Variants in MICAL3 observed in about 807,000 individuals in gnomAD.
The protein encoded by MICAL3 is [F-actin]-monooxygenase MICAL3.
Under a neutral mutation model 207.4 loss-of-function variants are expected in MICAL3, and 62 were observed. The observed-to-expected ratio is 0.30, with a 90% CI of 0.24 to 0.37. The LOEUF is 0.37. Ranked by LOEUF, MICAL3 falls within the 10% of genes least tolerant of loss-of-function variation. MICAL3 has a pLI of 1.00. For synonymous variants in MICAL3, 1,077 were observed against 1,069.3 expected (o/e 1.01, Z -0.14); for missense variants, 2,368 against 2,635.6 (o/e 0.90, Z 2.22).
intron 16 of MICAL3, chr22:17,881,073 T>A (rs1307240672): frequency 2.5e-6 from 2 of 806,964 alleles, no homozygotes; most frequent in African/African-American, 3.5e-5. Flanking sequence ...CCACAAACGG[T>A]TTCTACGCAT....
intron 16 of MICAL3, among the ~76,000 whole-genome samples, chr22:17,877,085 G>A (rs1248891643): frequency 1.6e-4 from 23 of 143,900 alleles, no homozygotes; most frequent in Admixed American, 3.5e-4. Flanking sequence ...AAGTTATGGA[G>A]GTTATGGAGG....
In MICAL3 at chr22:17,796,618, T is replaced by C. The variant is rs1304539196; in HGVS notation, c.5651-5317A>G. On this transcript the variant is annotated intron_variant, in intron 29 of 31. Transcript: ENST00000441493. This position sits in a 1 kb window ranked among gnomAD's most constrained non-coding sequence, Gnocchi z 4.4. Reference sequence around the variant, plus strand: ...CAGGCAAATGTAACAAATGCTGGCGTCTCAGGCAGCTCAAGGAAGAGCAGT... The same window carrying C: ...CAGGCAAATGTAACAAATGCTGGCGCCTCAGGCAGCTCAAGGAAGAGCAGT... Among the ~76,000 whole-genome samples, 1 of 152,194 alleles carries C rather than the reference T, an allele frequency of 6.6e-6. No individual in the cohort carries two copies. Among genetic ancestry groups the C allele is most frequent in the African/African-American group, 2.4e-5 (1 of 41,450 alleles).
rs1174253531 is a variant in MICAL3 at position 17,793,449 on chromosome 22, TAAAGCCCCAGCCAC to T, written c.5651-2162_5651-2149del. On this transcript the variant is annotated intron_variant, in intron 29 of 31. Coordinates refer to ENST00000441493, the MANE Select transcript of MICAL3 (RefSeq NM_015241.3). The surrounding 1 kb of genome is among the most constrained non-coding windows in gnomAD (Gnocchi z 4.1). ...CCCTCTATCTGATGGATCTGAGACT[TAAAGCCCCAGCCAC>T]GAAGGGCCAGCCAATGCTGCAGCCC... Among the ~76,000 whole-genome samples the T allele has an allele frequency of 1.3e-5, 2 of 152,080 alleles. No homozygotes were observed. The highest frequency in any genetic ancestry group is 4.8e-5 in the African/African-American group (2 of 41,398).
intron 1 of MICAL3, among the ~76,000 whole-genome samples, chr22:17,964,568 A>T (rs910746385): frequency 1.3e-5 from 2 of 152,242 alleles, no homozygotes; most frequent in Admixed American, 6.5e-5. Flanking sequence ...CTACGTGAAG[A>T]TTAAAAATTT....
intron 16 of MICAL3, among the ~76,000 whole-genome samples, chr22:17,879,186 G>A (rs764105842): frequency 1.3e-5 from 2 of 152,186 alleles, no homozygotes; most frequent in African/African-American, 2.4e-5. Context: ...GGTCAACACT[G>A]CTAGCAAAAA....
chr22:17,967,947 G>T (rs1444630898), intron 1 of MICAL3, among the ~76,000 whole-genome samples: 1 of 152,064 alleles, frequency 6.6e-6, no homozygotes, highest in Non-Finnish European at 1.5e-5. Context: ...GAAGCCTGAG[G>T]CAGGAGAATC....
intron 19 of MICAL3, chr22:17,864,483 C>T: frequency 7.0e-7 from 1 of 1,425,382 alleles, no homozygotes; most frequent in African/African-American, 1.4e-5. Flanking sequence ...AAGCAAACTG[C>T]ATGAAGGCCG....
intron 1 of MICAL3, among the ~76,000 whole-genome samples, chr22:17,987,378 C>CA (rs1317886486): frequency 6.6e-6 from 1 of 152,214 alleles, no homozygotes; most frequent in Non-Finnish European, 1.5e-5. Context: ...CTCCTGGAGG[C>CA]AGCAGGGACT....
At chr22:18,019,733 AG>A in intron 1 of MICAL3, 1 of 215,646 alleles carries the variant, frequency 4.6e-6, no homozygotes, top group Admixed American at 4.8e-5. Flanking sequence ...AAGGGTGATC[AG>A]GGAAGCTTTG....
chr22:17,997,776 T>C (rs1439296370), intron 1 of MICAL3, among the ~76,000 whole-genome samples: 1 of 152,146 alleles, frequency 6.6e-6, no homozygotes, highest in Non-Finnish European at 1.5e-5. Context: ...AAGTTCTACC[T>C]TGAATGTTGT....
intron 16 of MICAL3, among the ~76,000 whole-genome samples, 191 bp downstream of exon 16, chr22:17,885,687 C>T (rs12628826): frequency 1.3e-5 from 2 of 152,146 alleles, no homozygotes; most frequent in Non-Finnish European, 2.9e-5. Context: ...ACACTGAGGA[C>T]GGAGCAACCC....
At chr22:17,929,568 C>CTTT (rs67222681) in intron 1 of MICAL3, among the ~76,000 whole-genome samples, 33,028 of 108,424 alleles carry the variant, frequency 0.3, 5,812 homozygotes, top group South Asian at 0.45. Flanking sequence ...CTTTTCTTTT[C>CTTT]TTTTTTTTTT....
Position 17,864,191 on chromosome 22 carries a change from A to G in MICAL3, c.2605+708T>C, listed in dbSNP as rs145979737. On this transcript the variant is annotated intron_variant, in intron 19 of 31. Transcript: ENST00000441493. ...CGAGTCCTGTCATGCTATGACAAGA[A>G]TAAATGTGTTTGTAGAGGTAGAGAT... 749 of 993,710 alleles carry G rather than the reference A, an allele frequency of 7.5e-4. 4 individuals are homozygous for G. In the African/African-American group the frequency reaches 0.012, roughly 16 times the overall value. The allele number at this position is 993,710 out of a possible 1,614,324, so 61.6% of individuals were successfully genotyped here. A position where few individuals can be genotyped will look rare whatever the true frequency, so the allele number is the denominator to read the frequency against.
At chr22:17,992,316 C>T (rs1569160032) in intron 1 of MICAL3, among the ~76,000 whole-genome samples, 1 of 152,218 alleles carries the variant, frequency 6.6e-6, no homozygotes, top group Non-Finnish European at 1.5e-5. Flanking sequence ...ACAGCAGACA[C>T]AGGGGGTAGG....
At chr22:18,017,792 C>T (rs576142950) in intron 1 of MICAL3, among the ~76,000 whole-genome samples, 2 of 150,460 alleles carry the variant, frequency 1.3e-5, no homozygotes, top group East Asian at 2.0e-4. Flanking sequence ...GCTCTGTCAC[C>T]CAGGCTGGAG....
intron 2 of MICAL3, 95 bp from the exon 3 acceptor site, chr22:17,904,934 C>G (rs1316215105): frequency 2.2e-6 from 2 of 898,920 alleles, no homozygotes; most frequent in African/African-American, 1.7e-5. Flanking sequence ...CCTAAAGCCC[C>G]GAAATAGGGC....
At chr22:17,905,066 A>C (rs1368888390) in intron 2 of MICAL3, among the ~76,000 whole-genome samples, 1 of 152,268 alleles carries the variant, frequency 6.6e-6, no homozygotes, top group Non-Finnish European at 1.5e-5. Flanking sequence ...CATCAGTGCT[A>C]GACACAAGCT....
At chr22:17,836,940 C>T (rs987053521) in intron 20 of MICAL3, among the ~76,000 whole-genome samples, 48 of 152,136 alleles carry the variant, frequency 3.2e-4, no homozygotes, top group African/African-American at 1.2e-3. Flanking sequence ...GCCACTGTGC[C>T]CGGCCCCTGG....
Position 17,818,032 on chromosome 22 carries a change from G to A in MICAL3, c.4629C>T (p.Phe1543=), listed in dbSNP as rs758528513. ...GCGGCCAGCAGGACGGGGGCGTGAA[G>A]AATTTCTCCTGCAGGCTTGAGTCCT... ...KTEDSSLQEK[F]FTPPSCWPRP... Residue 1543 remains phenylalanine, a synonymous_variant, in exon 26 of 32, where the codon TTC becomes TTT. Transcript: ENST00000441493. 4 of 1,612,700 alleles carry A rather than the reference G, an allele frequency of 2.5e-6. No homozygotes were observed. Among genetic ancestry groups the A allele is most frequent in the Non-Finnish European group, 3.4e-6 (4 of 1,179,752 alleles).
Sources: gnomAD v4.1 joint callset for allele counts (sites outside exome capture counted in the v4.1 genomes callset) on GRCh38, gnomAD v4.1.1 for gene constraint, Gnocchi (gnomAD v3.1) non-coding constraint, MANE v1.5 for transcripts, NCBI Gene and HGNC (gene_info 2026-07-23, HGNC 2026-07-21) for gene names.